MAP3K15: variants seen among roughly 807,000 people sequenced by gnomAD.
The protein encoded by MAP3K15 is MAPK/ERK kinase kinase 15.
MAP3K15 carries 124 observed loss-of-function variants against 99.5 expected under a neutral mutation model. The ratio of observed to expected loss-of-function variants is 1.25; its 90% CI spans 1.08 to 1.45. The LOEUF is 1.45. Among genes scored for constraint, MAP3K15 ranks in the 40% most tolerant of loss-of-function variants. MAP3K15 has a pLI of 0.00. For missense variants in MAP3K15, 1,242 were observed against 1,079.7 expected (o/e 1.15, Z -2.11); for synonymous variants, 494 against 439.6 (o/e 1.12, Z -1.55).
chrX:19,374,295 G>C (rs188603374), intron 20 of MAP3K15, among the ~76,000 whole-genome samples, 182 bp downstream of exon 20: 1 of 111,656 alleles, frequency 9.0e-6, no homozygotes, highest in Non-Finnish European at 1.9e-5. Flanking sequence ...GCATGTATTA[G>C]TTGGATTTTG....
intron 3 of MAP3K15, among the ~76,000 whole-genome samples, chrX:19,485,125 A>T (rs1254440311): frequency 9.1e-6 from 1 of 110,038 alleles, no homozygotes; most frequent in East Asian, 2.8e-4. Context: ...CCTGGCCAAC[A>T]TTGGGAAACC....
chrX:19,440,970 C>G (rs901819624), intron 6 of MAP3K15, among the ~76,000 whole-genome samples: 1 of 111,681 alleles, frequency 9.0e-6, no homozygotes, highest in East Asian at 2.8e-4. Flanking sequence ...CTCCTACAAC[C>G]CTCTCTAGTA....
chrX:19,380,086 C>T (rs779245079), intron 19 of MAP3K15, 34 bp downstream of exon 19: 2 of 1,139,837 alleles, frequency 1.8e-6, no homozygotes, highest in Admixed American at 6.5e-5. Context: ...TACTTCCCAA[C>T]CACGCCCAAC....
chrX:19,407,458 A>G (rs1009787588), intron 12 of MAP3K15, among the ~76,000 whole-genome samples, 175 bp from the exon 13 acceptor site: 2 of 112,098 alleles, frequency 1.8e-5, no homozygotes, highest in African/African-American at 3.2e-5. Flanking sequence ...AGAGACATTT[A>G]TCTTGCTTAT....
intron 22 of MAP3K15, 67 bp downstream of exon 22, chrX:19,372,586 C>A (rs886080105): frequency 2.8e-6 from 3 of 1,072,964 alleles, no homozygotes; most frequent in Non-Finnish European, 3.8e-6. Context: ...CCTGATTGGA[C>A]CTGTCTGGGG....
At chrX:19,398,063 CAAAA>C (rs147279112) in intron 15 of MAP3K15, among the ~76,000 whole-genome samples, 159 bp downstream of exon 15, 1 of 50,238 alleles carries the variant, frequency 2.0e-5, no homozygotes, top group Non-Finnish European at 4.3e-5. Context: ...GACTCCGTTT[CAAAA>C]AAAAAAAAAA....
chrX:19,450,686 G>T (rs2064030401), intron 6 of MAP3K15, among the ~76,000 whole-genome samples: 1 of 108,614 alleles, frequency 9.2e-6, no homozygotes, highest in South Asian at 4.1e-4. Context: ...CCCTTCTACT[G>T]ACACATAAAT....
At position 19,460,059 on chromosome X, in the gene MAP3K15, G is replaced by T. The variant is rs2064121019; in HGVS notation, c.814C>A (p.Leu272Ile). The change falls in exon 5 of 29, where the codon CTC becomes ATC. Residue 272 changes from leucine (L) to isoleucine (I), a missense_variant. Leu to Ile is a conservative substitution (Grantham distance 5). Coordinates refer to ENST00000338883, the MANE Select transcript of MAP3K15 (RefSeq NM_001001671.4). ...AGAACCTCAGTATTATCCATGCGGAGCTTGATCCGAGCTAGCTCCTTCGCC... is the reference window on the plus strand; with the variant it reads ...AGAACCTCAGTATTATCCATGCGGATCTTGATCCGAGCTAGCTCCTTCGCC... ...ELAKELARIK[L>I]RMDNTEVLTS... The T allele has an allele frequency of 8.4e-7, 1 of 1,196,343 alleles. No individual in the cohort carries two copies. The highest frequency in any genetic ancestry group is 1.1e-6 in the Non-Finnish European group (1 of 892,427).
intron 25 of MAP3K15, among the ~76,000 whole-genome samples, chrX:19,367,723 A>ACTTTTTTTTTTTTTTTTTTTTTTT (rs2063344451): frequency 4.1e-5 from 1 of 24,107 alleles, no homozygotes; most frequent in African/African-American, 1.3e-4. Flanking sequence ...ATAACTATGG[A>ACTTTTTTTTTTTTTTTTTTTTTTT]TTTTTTTTTT....
At chrX:19,433,674 T>C (rs1466103191) in intron 6 of MAP3K15, among the ~76,000 whole-genome samples, 1 of 111,590 alleles carries the variant, frequency 9.0e-6, no homozygotes, top group Non-Finnish European at 1.9e-5. Flanking sequence ...TGGAGAACCC[T>C]GCCTAAGATA....
chrX:19,469,281 C>G (rs1300774889), intron 3 of MAP3K15, among the ~76,000 whole-genome samples: 3 of 111,460 alleles, frequency 2.7e-5, no homozygotes, highest in Non-Finnish European at 3.8e-5. Flanking sequence ...ACAAACCTGA[C>G]AAAAACAAGC....
At position 19,372,823 on chromosome X, in the gene MAP3K15, G is replaced by C. The variant is rs2063386078; in HGVS notation, c.2938C>G (p.Pro980Ala). 1 of 1,206,477 alleles carries C rather than the reference G, an allele frequency of 8.3e-7. No individual in the cohort carries two copies. The highest frequency in any genetic ancestry group is 1.1e-6 in the Non-Finnish European group (1 of 892,582). The change falls in exon 22 of 29, where the codon CCA (proline) becomes GCA (alanine). Residue 980 changes from proline to alanine, a missense_variant. Physicochemically the swap from Pro to Ala is conservative, Grantham distance 27. Coordinates refer to ENST00000338883, the MANE Select transcript of MAP3K15 (RefSeq NM_001001671.4). The stretch of plus-strand genomic sequence containing the variant: ...TCTTCCAAGGCTGAGCTCTCGTCTG[G>C]AACACTGTGGACAAACACGTGTGAC... ...RHHLGHLLSV[P>A]DESSALEDRG...
chrX:19,445,772 G>A (rs746887208), intron 6 of MAP3K15, among the ~76,000 whole-genome samples: 77 of 107,605 alleles, frequency 7.2e-4, no homozygotes, highest in African/African-American at 2.5e-3. Context: ...CATAGCGAAA[G>A]CCAATATCTA....
chrX:19,392,255 G>T, intron 17 of MAP3K15, 88 bp downstream of exon 17: 1 of 1,082,270 alleles, frequency 9.2e-7, no homozygotes, highest in Non-Finnish European at 1.3e-6. Context: ...ATACCCCTCT[G>T]TCAGCCAGTC....
chrX:19,364,529 T>A (rs1483881002), intron 25 of MAP3K15, among the ~76,000 whole-genome samples: 4 of 110,660 alleles, frequency 3.6e-5, no homozygotes, highest in Non-Finnish European at 7.6e-5. Context: ...AAACCAGAAC[T>A]CCTCCCCAAA....
intron 3 of MAP3K15, chrX:19,482,304 T>C (rs953626894): frequency 9.0e-6 from 1 of 110,844 alleles, no homozygotes; most frequent in Non-Finnish European, 1.9e-5. Context: ...CACAGTGGTA[T>C]TATTCATAAT....
At chrX:19,512,846 G>T (rs1471280870) in intron 1 of MAP3K15, among the ~76,000 whole-genome samples, 1 of 111,068 alleles carries the variant, frequency 9.0e-6, no homozygotes, top group African/African-American at 3.3e-5. Flanking sequence ...AGAGCCACCT[G>T]TGGCTAGTGG....
In MAP3K15 at chrX:19,360,094, A is replaced by G. The variant is rs932293745; in HGVS notation, c.*655T>C. On this transcript the variant is annotated 3_prime_UTR_variant, in exon 29 of 29. Coordinates refer to ENST00000338883, the MANE Select transcript of MAP3K15 (RefSeq NM_001001671.4). ...AATATTTATTATCAGGCAAGAGGAC[A>G]GTTCCATTTTAAAATAAGACTTTTG... The G allele has an allele frequency of 1.1e-4, 17 of 160,729 alleles. No homozygotes were observed. Among genetic ancestry groups the G allele is most frequent in the Non-Finnish European group, 1.9e-4 (16 of 86,002 alleles). The allele number at this position is 160,729 out of a possible 1,213,427, so 13.2% of individuals were successfully genotyped here.
In MAP3K15 at chrX:19,392,459, G is replaced by C. The variant is rs765768554; in HGVS notation, c.2209C>G (p.Leu737Val). The change falls in exon 17 of 29, where the codon CTT becomes GTT. Residue 737 changes from leucine to valine, a missense_variant. Physicochemically the swap from Leu to Val is conservative, Grantham distance 32. Transcript: ENST00000338883. ...ATCGGCCCCCATTTGGATCGCAGAA[G>C]AGCAGAAAGGCTTCCTAGAGACAGT... ...EQVPGGSLSA[L>V]LRSKWGPMKE... 1 of 1,206,140 alleles carries C rather than the reference G, an allele frequency of 8.3e-7. No homozygotes were observed. The highest frequency in any genetic ancestry group is 1.8e-5 in the African/African-American group (1 of 57,000).
Sources: allele counts gnomAD v4.1 joint callset (sites outside exome capture counted in the v4.1 genomes callset), GRCh38; gene constraint gnomAD v4.1.1; transcripts MANE v1.5; gene names NCBI Gene and HGNC (gene_info 2026-07-23, HGNC 2026-07-21).